GPI: variants seen among roughly 807,000 people sequenced by gnomAD.
The protein encoded by GPI is D-hexose-6-phosphate anomerase.
Under a neutral mutation model 75.8 loss-of-function variants are expected in GPI, and 56 were observed. The observed-to-expected ratio is 0.74, with a 90% CI of 0.60 to 0.92. The LOEUF (loss-of-function observed/expected upper bound fraction) is 0.92, where lower values mean the gene tolerates loss of function less well. GPI is among the 40% of genes least tolerant of loss of function. GPI has a pLI of 0.00. For synonymous variants in GPI, 288 were observed against 285.4 expected, an observed-to-expected ratio of 1.01 and a Z score of -0.09; for missense variants, 638 against 741.0, an observed-to-expected ratio of 0.86 and a Z score of 1.61.
intron 9 of GPI, among the ~76,000 whole-genome samples, chr19:34,383,717 A>AGGC (rs2074690214): frequency 6.6e-6 from 1 of 152,094 alleles, no homozygotes; most frequent in South Asian, 2.1e-4. Context: ...GGGGCAGGTG[A>AGGC]GGCAGGCAGG....
intron 9 of GPI, among the ~76,000 whole-genome samples, chr19:34,382,222 G>A (rs958174143): frequency 6.6e-5 from 10 of 152,190 alleles, no homozygotes; most frequent in South Asian, 4.1e-4. Context: ...CCGGGCTTAC[G>A]TGCAGGGCTC....
intron 4 of GPI, among the ~76,000 whole-genome samples, chr19:34,370,581 C>T (rs1023838863): frequency 3.3e-5 from 5 of 151,888 alleles, no homozygotes; most frequent in African/African-American, 4.8e-5. Flanking sequence ...ATTACCTGGG[C>T]GGGCATGGTG....
At chr19:34,381,210 G>C in intron 8 of GPI, 2 of 566,778 alleles carry the variant, frequency 3.5e-6, no homozygotes, top group South Asian at 3.9e-5. Context: ...GGTTACAGCT[G>C]CCCTCAGCAG....
chr19:34,395,330 A>G (rs1015904346), intron 12 of GPI, among the ~76,000 whole-genome samples: 1 of 151,652 alleles, frequency 6.6e-6, no homozygotes, highest in Non-Finnish European at 1.5e-5. Context: ...CAGGAGTTCA[A>G]GACCAGCCTG....
chr19:34,399,851 C>T (rs773907763), intron 17 of GPI, 50 bp from the exon 18 acceptor site: 26 of 1,613,070 alleles, frequency 1.6e-5, no homozygotes, highest in African/African-American at 1.3e-5. Context: ...TCAGTAGCAA[C>T]GTTAGAGCCT....
At chr19:34,370,017 ACACATGTG>A (rs1374023686) in intron 4 of GPI, among the ~76,000 whole-genome samples, 1 of 152,258 alleles carries the variant, frequency 6.6e-6, no homozygotes, top group African/African-American at 2.4e-5. Flanking sequence ...TGAAACACGT[ACACATGTG>A]CACATGCACA....
At chr19:34,369,451 G>A (rs1172053511) in intron 4 of GPI, among the ~76,000 whole-genome samples, 2 of 152,070 alleles carry the variant, frequency 1.3e-5, no homozygotes, top group East Asian at 3.9e-4. Flanking sequence ...TCATGCCTGT[G>A]ATTCCTGAAC....
chr19:34,363,402 G>T (rs2074313330), upstream of GPI: 1 of 152,442 alleles, frequency 6.6e-6, no homozygotes, highest in Non-Finnish European at 1.5e-5. Flanking sequence ...TAATGGGGCA[G>T]TGGCTACTGA....
At chr19:34,390,304 A>C (rs1381195458) in intron 9 of GPI, among the ~76,000 whole-genome samples, 2 of 146,234 alleles carry the variant, frequency 1.4e-5, no homozygotes, top group Non-Finnish European at 3.0e-5. Flanking sequence ...GTGGGTTTTT[A>C]ATATCTGAGG....
At chr19:34,392,408 G>A (rs1379636083) in intron 9 of GPI, 1 of 105,832 alleles carries the variant, frequency 9.4e-6, no homozygotes, top group African/African-American at 3.6e-5. Flanking sequence ...ATCTGATACA[G>A]GTATGAAGAC....
intron 1 of GPI, chr19:34,366,082 G>A: frequency 1.5e-6 from 1 of 675,192 alleles, no homozygotes; most frequent in Non-Finnish European, 2.7e-6. Flanking sequence ...GGGAAGGGGT[G>A]GTCCCCCACT....
At chr19:34,365,006 C>T (rs1025438522), upstream of GPI, 29 of 1,531,810 alleles carry the variant, frequency 1.9e-5, no homozygotes, top group East Asian at 2.5e-5. Flanking sequence ...GCCAGCAAAG[C>T]GGCGGCGCAA....
Position 34,365,230 on chromosome 19 carries a change from G to T in GPI, c.-37G>T, listed in dbSNP as rs759987877. On this transcript the variant is annotated 5_prime_UTR_variant, in exon 1 of 18. Coordinates refer to ENST00000356487, the MANE Select transcript of GPI (RefSeq NM_000175.5). ...GCGCTGCCGGCGCTCCTTCCTCCTC[G>T]GCTCGCGTCTCACTCAGTGTACCTT... 5 of 1,446,464 alleles carry T rather than the reference G, an allele frequency of 3.5e-6. No homozygotes were observed. Among genetic ancestry groups the T allele is most frequent in the Non-Finnish European group, 4.6e-6 (5 of 1,092,954 alleles). The allele number at this position is 1,446,464 out of a possible 1,614,324, so 89.6% of individuals were successfully genotyped here.
intron 9 of GPI, among the ~76,000 whole-genome samples, chr19:34,386,898 G>A (rs139385208): frequency 6.6e-5 from 10 of 152,222 alleles, no homozygotes; most frequent in Admixed American, 2.0e-4. Flanking sequence ...GCACAGGTAG[G>A]CAGAGATGTT....
intron 4 of GPI, among the ~76,000 whole-genome samples, chr19:34,371,866 A>G (rs1350026118): frequency 1.3e-5 from 2 of 151,780 alleles, no homozygotes; most frequent in Non-Finnish European, 2.9e-5. Context: ...AAAAGAAAAA[A>G]AAAAAGACAC....
At position 34,399,933 on chromosome 19, in the gene GPI, T is replaced by C. The variant is rs137853584; in HGVS notation, c.1574T>C (p.Ile525Thr). ...CTGGGAAAGCAGCTGGCTAAGAAAA[T>C]AGAGCCTGAGCTTGATGGCAGTGCT... ...VELGKQLAKK[I>T]EPELDGSAQV... Residue 525 changes from isoleucine to threonine, a missense_variant, in exon 18 of 18, where the codon ATA becomes ACA. Physicochemically the swap from Ile to Thr is moderately conservative, Grantham distance 89. Coordinates refer to ENST00000356487, the MANE Select transcript of GPI (RefSeq NM_000175.5). 29 of 1,613,684 alleles carry C rather than the reference T, an allele frequency of 1.8e-5. No individual in the cohort carries two copies. The highest frequency in any genetic ancestry group is 8.8e-5 in the South Asian group (8 of 91,060).
At chr19:34,367,056 T>A in intron 3 of GPI, 1 of 695,466 alleles carries the variant, frequency 1.4e-6, no homozygotes, top group Non-Finnish European at 2.6e-6. Flanking sequence ...CTCCTTGGAA[T>A]GGTTCCCAGT....
intron 8 of GPI, chr19:34,380,928 T>G: frequency 4.2e-6 from 1 of 236,914 alleles, no homozygotes. Context: ...GTGGAATAGG[T>G]AAGGAATTGC....
intron 6 of GPI, 59 bp from the exon 7 acceptor site, chr19:34,378,875 C>T: frequency 7.5e-7 from 1 of 1,326,516 alleles, no homozygotes; most frequent in Non-Finnish European, 1.1e-6. Flanking sequence ...TGAACCCTGG[C>T]TCAAGGCCTG....
Sources: gnomAD v4.1 joint callset for allele counts (sites outside exome capture counted in the v4.1 genomes callset) on GRCh38, gnomAD v4.1.1 for gene constraint, MANE v1.5 for transcripts, NCBI Gene and HGNC (gene_info 2026-07-23, HGNC 2026-07-21) for gene names.